The following NTM variants were observed in gnomAD, a reference collection of about 807,000 sequenced individuals.
NTM encodes the protein neurotrimin, also known as IgLON family member 2.
NTM carries 13 observed loss-of-function variants against 42.1 expected under a neutral mutation model. The ratio of observed to expected loss-of-function variants is 0.31; its 90% CI spans 0.20 to 0.49. NTM has a LOEUF of 0.49. Ranked by LOEUF, NTM falls within the 20% of genes least tolerant of loss-of-function variation. The pLI is 0.99. For missense variants in NTM, 373 were observed against 452.8 expected (o/e 0.82, Z 1.60); for synonymous variants, 187 against 179.2 (o/e 1.04, Z -0.35).
At chr11:131,725,187 AC>A (rs1256984588) in intron 1 of NTM, among the ~76,000 whole-genome samples, 3 of 152,116 alleles carry the variant, frequency 2.0e-5, no homozygotes, top group Non-Finnish European at 4.4e-5. Flanking sequence ...GAGGACAGAA[AC>A]CTTAGTGCTA....
At chr11:131,896,719 G>C (rs1033395857) in intron 1 of NTM, among the ~76,000 whole-genome samples, 2 of 138,544 alleles carry the variant, frequency 1.4e-5, no homozygotes, top group African/African-American at 2.7e-5. Flanking sequence ...GACGGAGTCT[G>C]GCTCTGTCGC....
chr11:132,189,355 G>C (rs1037369054), intron 3 of NTM, among the ~76,000 whole-genome samples: 6 of 152,104 alleles, frequency 3.9e-5, no homozygotes, highest in East Asian at 1.9e-4. Context: ...TCAGCTCAGG[G>C]GAGGAGTATT....
At chr11:131,580,934 C>A (rs1040707838) in intron 1 of NTM, among the ~76,000 whole-genome samples, 5 of 152,170 alleles carry the variant, frequency 3.3e-5, no homozygotes, top group African/African-American at 1.2e-4. Flanking sequence ...ACAGTGGCCA[C>A]CAAAAGGTCA....
At chr11:132,210,988 A>G (rs1405133402) in intron 3 of NTM, among the ~76,000 whole-genome samples, 1 of 152,100 alleles carries the variant, frequency 6.6e-6, no homozygotes, top group Non-Finnish European at 1.5e-5. Flanking sequence ...TGGCTAACTG[A>G]GGCTTAATTT....
chr11:131,596,850 A>T (rs143636533), intron 1 of NTM, among the ~76,000 whole-genome samples: 2,038 of 152,312 alleles, frequency 0.013, 47 homozygotes, highest in African/African-American at 0.046. Context: ...ATTAACTCAC[A>T]CGATCACAAG....
At chr11:132,289,355 A>T (rs1406595831) in intron 4 of NTM, among the ~76,000 whole-genome samples, 1 of 152,220 alleles carries the variant, frequency 6.6e-6, no homozygotes, top group East Asian at 1.9e-4. Context: ...TTTACACAAG[A>T]GTTCAGTTCT....
chr11:131,773,746 C>T (rs964303562), intron 1 of NTM, among the ~76,000 whole-genome samples: 1 of 152,222 alleles, frequency 6.6e-6, no homozygotes, highest in Non-Finnish European at 1.5e-5. Flanking sequence ...TCTAAAGTCA[C>T]ATACTGTCTT....
chr11:132,274,116 T>C (rs2139733052), intron 4 of NTM, among the ~76,000 whole-genome samples: 1 of 152,314 alleles, frequency 6.6e-6, no homozygotes, highest in African/African-American at 2.4e-5. Context: ...TTTACTTCTA[T>C]TTCTTTTGTT....
intron 1 of NTM, among the ~76,000 whole-genome samples, chr11:131,565,850 C>G (rs59012890): frequency 6.6e-6 from 1 of 152,076 alleles, no homozygotes; most frequent in Non-Finnish European, 1.5e-5. Flanking sequence ...CTCAGTTGCC[C>G]GTCTTTTGCC....
intron 1 of NTM, among the ~76,000 whole-genome samples, chr11:131,705,490 T>A (rs911230544): frequency 6.6e-6 from 1 of 152,122 alleles, no homozygotes; most frequent in Admixed American, 6.5e-5. Context: ...GTTCTTCAAG[T>A]TGAAATGAAA....
At chr11:131,619,569 C>A (rs935002832) in intron 1 of NTM, among the ~76,000 whole-genome samples, 7 of 152,010 alleles carry the variant, frequency 4.6e-5, no homozygotes, top group Non-Finnish European at 8.8e-5. Context: ...GTTTATCAGA[C>A]TAAAATGGTG....
intron 3 of NTM, among the ~76,000 whole-genome samples, chr11:132,155,819 T>C (rs571296969): frequency 2.0e-5 from 3 of 152,194 alleles, no homozygotes; most frequent in African/African-American, 7.2e-5. Context: ...AGTCCTGAAA[T>C]TGAGGTTGGA....
rs138930090 is a variant in NTM at position 131,859,610 on chromosome 11, T to C, written c.83-51954T>C. 1.8e-3 allele frequency among the ~76,000 whole-genome samples: 270 copies of C among 152,272 alleles called. 1 individual carries two copies. Among genetic ancestry groups the C allele is most frequent in the African/African-American group, 6.3e-3 (263 of 41,546 alleles). On this transcript the variant is annotated intron_variant, in intron 1 of 8. Transcript: ENST00000683400. ...TTGGTTCCATTACTTTCCAGTTCTG[T>C]GACTTGGCTACTTTCTATAACCGCT...
At chr11:132,226,943 G>A (rs752924538) in intron 4 of NTM, among the ~76,000 whole-genome samples, 4 of 152,176 alleles carry the variant, frequency 2.6e-5, no homozygotes, top group Non-Finnish European at 2.9e-5. Flanking sequence ...TCCAAGAAAA[G>A]CATGCTTGTG....
chr11:131,702,020 G>A (rs555972518), intron 1 of NTM, among the ~76,000 whole-genome samples: 9 of 152,336 alleles, frequency 5.9e-5, no homozygotes, highest in Non-Finnish European at 8.8e-5. Context: ...TGGGAAAGAC[G>A]TGGCTCCCTT....
At chr11:132,097,904 C>T (rs964068636) in intron 2 of NTM, among the ~76,000 whole-genome samples, 2 of 152,182 alleles carry the variant, frequency 1.3e-5, no homozygotes, top group African/African-American at 2.4e-5. Context: ...TGGACTCATC[C>T]GTGATGCCCG....
intron 1 of NTM, among the ~76,000 whole-genome samples, chr11:131,717,848 G>A (rs939972879): frequency 6.6e-6 from 1 of 152,294 alleles, no homozygotes; most frequent in African/African-American, 2.4e-5. Context: ...ATAGCTGTAG[G>A]TTTTCTATAC....
At chr11:132,065,007 A>T (rs1027685325) in intron 2 of NTM, among the ~76,000 whole-genome samples, 1 of 152,174 alleles carries the variant, frequency 6.6e-6, no homozygotes, top group Non-Finnish European at 1.5e-5. Context: ...CAAAGATCAC[A>T]TTTGCCTCTG....
At chr11:131,782,454 A>T (rs1167501636) in intron 1 of NTM, among the ~76,000 whole-genome samples, 1 of 152,086 alleles carries the variant, frequency 6.6e-6, no homozygotes, top group Non-Finnish European at 1.5e-5. Flanking sequence ...AATCTATAGA[A>T]ATAATTTCAG....
Sources: gnomAD v4.1 joint callset for allele counts (sites outside exome capture counted in the v4.1 genomes callset) on GRCh38, gnomAD v4.1.1 for gene constraint, MANE v1.5 for transcripts, NCBI Gene and HGNC (gene_info 2026-07-23, HGNC 2026-07-21) for gene names.